CLNK: variants seen among roughly 807,000 people sequenced by gnomAD.
The protein encoded by CLNK is cytokine-dependent hematopoietic cell linker.
CLNK carries 74 observed loss-of-function variants against 68.6 expected under a neutral mutation model. That is an observed-to-expected ratio of 1.08 (90% confidence interval 0.89 to 1.31). The LOEUF (loss-of-function observed/expected upper bound fraction) is 1.31. Among genes scored for constraint, CLNK ranks in the 50% most tolerant of loss-of-function variants. CLNK has a pLI of 0.00. For missense variants in CLNK, 553 were observed against 515.3 expected, an observed-to-expected ratio of 1.07 and a Z score of -0.71; for synonymous variants, 198 against 172.2, an observed-to-expected ratio of 1.15 and a Z score of -1.17.
At chr4:10,650,472 A>G (rs1723682737) in intron 2 of CLNK, among the ~76,000 whole-genome samples, 2 of 152,262 alleles carry the variant, frequency 1.3e-5, no homozygotes, top group Non-Finnish European at 2.9e-5. Context: ...ACAGAAAACC[A>G]AAAAACATAG....
At chr4:10,683,720 T>C (rs186775271) in intron 1 of CLNK, among the ~76,000 whole-genome samples, 2 of 152,336 alleles carry the variant, frequency 1.3e-5, no homozygotes, top group East Asian at 3.9e-4. Flanking sequence ...TGAAGCGCTG[T>C]CATTTCTCTG....
At chr4:10,666,496 G>T (rs1041725507) in intron 2 of CLNK, among the ~76,000 whole-genome samples, 3 of 152,184 alleles carry the variant, frequency 2.0e-5, no homozygotes, top group Admixed American at 2.0e-4. Flanking sequence ...ATTTCCCACA[G>T]TCAAAGGAAT....
chr4:10,723,144 G>C, the CLNK span, among the ~76,000 whole-genome samples: 1 of 152,132 alleles, frequency 6.6e-6, no homozygotes, highest in African/African-American at 2.4e-5. Context: ...TCTTTACTTG[G>C]TATACAGGCT....
chr4:10,634,869 A>G (rs1213994340), intron 2 of CLNK, among the ~76,000 whole-genome samples: 1 of 152,108 alleles, frequency 6.6e-6, no homozygotes, highest in African/African-American at 2.4e-5. Context: ...TTGGACTGGG[A>G]CTGGGACTTC....
chr4:10,667,568 T>C (rs1183713949), intron 2 of CLNK, among the ~76,000 whole-genome samples: 3 of 151,926 alleles, frequency 2.0e-5, no homozygotes, highest in African/African-American at 2.4e-5. Context: ...CACCCATGGG[T>C]GGAAACTGTC....
chr4:10,684,948 T>G (rs1725215422), upstream of CLNK: 1 of 152,174 alleles, frequency 6.6e-6, no homozygotes, highest in Non-Finnish European at 1.5e-5. Flanking sequence ...TTTCAGAGGC[T>G]GAAATCTTCC....
At chr4:10,685,388 G>A (rs1359438612), upstream of CLNK, among the ~76,000 whole-genome samples, 1 of 151,932 alleles carries the variant, frequency 6.6e-6, no homozygotes, top group South Asian at 2.1e-4. Context: ...TGTGATGGAA[G>A]GATAATATTT....
chr4:10,508,891 A>AGGG lies in CLNK; in HGVS notation c.907-856_907-855insCCC, dbSNP rs1717433837. ...TGGGAGGCCAAGGCGGGCGGATCACAAGGTCAGGAGATCGAGACCATCCTG... is the reference window on the plus strand; with the variant it reads ...TGGGAGGCCAAGGCGGGCGGATCACAGGGAGGTCAGGAGATCGAGACCATCCTG... On this transcript the variant is annotated intron_variant, in intron 16 of 18. Transcript: ENST00000226951. Among the ~76,000 whole-genome samples, 6 of 151,990 alleles carry AGGG rather than the reference A, an allele frequency of 3.9e-5. No homozygotes were observed. In the South Asian group the frequency reaches 1.0e-3, roughly 26 times the overall value.
chr4:10,718,038 G>T, the CLNK span, among the ~76,000 whole-genome samples: 1 of 151,794 alleles, frequency 6.6e-6, no homozygotes, highest in South Asian at 2.1e-4. Context: ...AAGAACAAAT[G>T]GAAATTTTAG....
chr4:10,583,037 G>A (rs1019026739), intron 4 of CLNK, among the ~76,000 whole-genome samples: 1 of 152,042 alleles, frequency 6.6e-6, no homozygotes, highest in African/African-American at 2.4e-5. Flanking sequence ...GTATTTTCTC[G>A]CATGAACGCC....
At chr4:10,710,386 G>A in the CLNK span, among the ~76,000 whole-genome samples, 3 of 152,140 alleles carry the variant, frequency 2.0e-5, no homozygotes, top group South Asian at 2.1e-4. Flanking sequence ...GAAAAAAAGT[G>A]GACTAAGTAA....
the CLNK span, among the ~76,000 whole-genome samples, chr4:10,701,161 G>A: frequency 6.6e-6 from 1 of 152,234 alleles, no homozygotes; most frequent in African/African-American, 2.4e-5. Flanking sequence ...TGTTTCATTT[G>A]TTTGTCAATA....
chr4:10,523,244 G>A (rs1718155838), intron 14 of CLNK, among the ~76,000 whole-genome samples: 1 of 152,192 alleles, frequency 6.6e-6, no homozygotes, highest in African/African-American at 2.4e-5. Context: ...AGGATATTAT[G>A]GGTTTCAGAA....
At chr4:10,630,288 C>T (rs369436462) in intron 2 of CLNK, among the ~76,000 whole-genome samples, 2 of 152,158 alleles carry the variant, frequency 1.3e-5, no homozygotes, top group Non-Finnish European at 2.9e-5. Context: ...TACTATGACA[C>T]GCATTTGTAC....
At chr4:10,687,895 T>C (rs1725327183), upstream of CLNK, among the ~76,000 whole-genome samples, 1 of 152,132 alleles carries the variant, frequency 6.6e-6, no homozygotes, top group Non-Finnish European at 1.5e-5. Context: ...GTTTATTGGG[T>C]TCATGGATCC....
intron 15 of CLNK, among the ~76,000 whole-genome samples, chr4:10,515,715 CT>C (rs1477225514): frequency 6.6e-6 from 1 of 152,208 alleles, no homozygotes; most frequent in East Asian, 1.9e-4. Context: ...AACATTTACA[CT>C]TTTCTACTGT....
At chr4:10,669,492 T>A (rs1050169608) in intron 1 of CLNK, among the ~76,000 whole-genome samples, 1 of 152,142 alleles carries the variant, frequency 6.6e-6, no homozygotes, top group African/African-American at 2.4e-5. Context: ...GGTGTGAAGA[T>A]GTTACAATGT....
At chr4:10,513,867 T>G (rs1487912922) in intron 15 of CLNK, among the ~76,000 whole-genome samples, 1 of 149,298 alleles carries the variant, frequency 6.7e-6, no homozygotes, top group East Asian at 1.9e-4. Context: ...TTATTTTTTT[T>G]TAAATTATAC....
chr4:10,585,703 A>G (rs1024599151), intron 3 of CLNK, among the ~76,000 whole-genome samples: 1 of 151,998 alleles, frequency 6.6e-6, no homozygotes, highest in African/African-American at 2.4e-5. Context: ...TGTAGTCCCA[A>G]CTCCTCAGGT....
Sources: gnomAD v4.1 joint callset for allele counts (sites outside exome capture counted in the v4.1 genomes callset) on GRCh38, gnomAD v4.1.1 for gene constraint, MANE v1.5 for transcripts, NCBI Gene and HGNC (gene_info 2026-07-23, HGNC 2026-07-21) for gene names.